The following ESYT2 variants were observed in gnomAD, a reference collection of about 807,000 sequenced individuals.
ESYT2 encodes extended synaptotagmin-2.
In ESYT2, 54 loss-of-function variants were observed where a neutral mutation model predicts 107.2. The ratio of observed to expected loss-of-function variants is 0.50; its 90% confidence interval spans 0.40 to 0.63. ESYT2 has a LOEUF of 0.63. ESYT2 is among the 30% of genes least tolerant of loss of function. The pLI, the probability that ESYT2 is intolerant of heterozygous loss-of-function variation, is 0.00. For synonymous variants in ESYT2, 491 were observed against 434.1 expected, an observed-to-expected ratio of 1.13 and a Z score of -1.63; for missense variants, 1,020 against 1,094.5, an observed-to-expected ratio of 0.93 and a Z score of 0.96.
intron 1 of ESYT2, among the ~76,000 whole-genome samples, chr7:158,817,055 T>C (rs765289597): frequency 2.0e-5 from 3 of 152,216 alleles, no homozygotes; most frequent in Non-Finnish European, 4.4e-5. Flanking sequence ...TATAACATTT[T>C]ACAAATTGGG....
intron 6 of ESYT2, among the ~76,000 whole-genome samples, chr7:158,782,416 G>A (rs1838918694): frequency 6.7e-6 from 1 of 149,026 alleles, no homozygotes; most frequent in Non-Finnish European, 1.5e-5. Flanking sequence ...GTGAACGAGT[G>A]TGAGAACAAA....
chr7:158,799,150 T>C, intron 1 of ESYT2, 78 bp from the exon 2 acceptor site: 1 of 1,233,984 alleles, frequency 8.1e-7, no homozygotes, highest in Non-Finnish European at 1.2e-6. Context: ...AATTTCATAT[T>C]CTCATCATAC....
chr7:158,781,819 GT>G (rs1231997014), intron 6 of ESYT2, among the ~76,000 whole-genome samples: 2 of 147,010 alleles, frequency 1.4e-5, no homozygotes, highest in Non-Finnish European at 3.0e-5. Context: ...TGAGATGTGA[GT>G]GTAATAACGA....
At chr7:158,798,141 C>T (rs1839525683) in intron 2 of ESYT2, 65 bp from the exon 3 acceptor site, 14 of 1,564,088 alleles carry the variant, frequency 9.0e-6, no homozygotes, top group South Asian at 5.8e-5. Flanking sequence ...CACGAGTGCT[C>T]GTGAGAAACC....
chr7:158,808,677 C>T (rs755334058), intron 1 of ESYT2, among the ~76,000 whole-genome samples: 11 of 152,062 alleles, frequency 7.2e-5, no homozygotes, highest in South Asian at 2.1e-4. Flanking sequence ...GGGCCTGGCA[C>T]AGGGGCTCAC....
intron 13 of ESYT2, 101 bp from the exon 14 acceptor site, chr7:158,752,944 A>G: frequency 1.4e-6 from 1 of 729,946 alleles, no homozygotes; most frequent in Middle Eastern, 2.9e-4. Flanking sequence ...ATAAACAAAC[A>G]AAAATCTTTA....
rs1006561960 is a variant in ESYT2 at position 158,758,394 on chromosome 7, G to A, written c.1419+1092C>T. Among the ~76,000 whole-genome samples, 5 of 152,270 alleles carry A rather than the reference G, an allele frequency of 3.3e-5. No individual in the cohort carries two copies. The East Asian group carries it at 5.8e-4, about 18-fold the overall frequency. On this transcript the variant is annotated intron_variant, in intron 13 of 22. Coordinates refer to ENST00000275418, the MANE Select transcript of ESYT2 (RefSeq NM_001367773.1). ...GAACTATGAAGCGTAGTCTGACCAC[G>A]GCAAGGCAAGACTACAGGGGATCGA...
At chr7:158,798,308 A>T (rs1839531777) in intron 2 of ESYT2, among the ~76,000 whole-genome samples, 1 of 152,332 alleles carries the variant, frequency 6.6e-6, no homozygotes, top group Non-Finnish European at 1.5e-5. Context: ...TAAATATGTC[A>T]GCACATTTAA....
chr7:158,758,184 CAA>C (rs1837832965), intron 13 of ESYT2, among the ~76,000 whole-genome samples: 1 of 152,194 alleles, frequency 6.6e-6, no homozygotes, highest in South Asian at 2.1e-4. Flanking sequence ...TTACATACAA[CAA>C]AGAGTACAAT....
chr7:158,771,106 T>C (rs1375659961), intron 7 of ESYT2, among the ~76,000 whole-genome samples: 1 of 152,246 alleles, frequency 6.6e-6, no homozygotes, highest in Non-Finnish European at 1.5e-5. Flanking sequence ...TTTACGTGTG[T>C]ATGTGTGAAT....
intron 1 of ESYT2, among the ~76,000 whole-genome samples, chr7:158,814,303 A>G (rs1471231665): frequency 3.7e-5 from 1 of 27,044 alleles, no homozygotes; most frequent in Non-Finnish European, 7.1e-5. Flanking sequence ...ATATATATAT[A>G]TATATATATA....
chr7:158,774,935 C>A (rs1838498243), intron 6 of ESYT2, among the ~76,000 whole-genome samples: 1 of 152,044 alleles, frequency 6.6e-6, no homozygotes, highest in Non-Finnish European at 1.5e-5. Context: ...CTTCTAAATA[C>A]AATTAGATGA....
At chr7:158,805,899 T>C (rs1459978535) in intron 1 of ESYT2, among the ~76,000 whole-genome samples, 1 of 152,246 alleles carries the variant, frequency 6.6e-6, no homozygotes, top group African/African-American at 2.4e-5. Context: ...ACCAGAGCTA[T>C]GGCAAATTGT....
At position 158,773,367 on chromosome 7, in the gene ESYT2, C is replaced by T. The variant is rs140480085; in HGVS notation, c.777G>A (p.Thr259=). ...PLLEINWTGL[T]NLLDVPGLNG... ...TCAATCCAGGGACATCCAGAAGATTCGTCAGTCCTGTCCAGTTAATTTCTA... is the reference window on the plus strand; with the variant it reads ...TCAATCCAGGGACATCCAGAAGATTTGTCAGTCCTGTCCAGTTAATTTCTA... The change falls in exon 7 of 23, where the codon ACG becomes ACA. Residue 259 remains threonine, a synonymous_variant. Transcript: ENST00000275418. The T allele has an allele frequency of 3.1e-6, 5 of 1,614,134 alleles. No homozygotes were observed. The highest frequency in any genetic ancestry group is 1.7e-5 in the Admixed American group (1 of 60,016).
intron 13 of ESYT2, among the ~76,000 whole-genome samples, chr7:158,758,880 A>AG (rs1837861129): frequency 6.6e-6 from 1 of 152,110 alleles, no homozygotes; most frequent in Admixed American, 6.6e-5. Context: ...AACATTTTAC[A>AG]TTTTTTCTCT....
intron 1 of ESYT2, among the ~76,000 whole-genome samples, chr7:158,821,438 T>G (rs1288289804): frequency 6.6e-6 from 1 of 152,240 alleles, no homozygotes; most frequent in Non-Finnish European, 1.5e-5. Context: ...ACAGCAAGAA[T>G]AGAAGTATAC....
rs61735910 is a variant in ESYT2 at position 158,759,543 on chromosome 7, G to C, written c.1362C>G (p.Asn454Lys). The C allele has an allele frequency of 3.7e-6, 6 of 1,612,572 alleles. No individual in the cohort carries two copies. Among genetic ancestry groups the C allele is most frequent in the Non-Finnish European group, 5.1e-6 (6 of 1,178,760 alleles). ...TDIKADKDQA[N>K]DGLSSALLIL... ...TCAGCAATGCAGAGGAAAGACCATC[G>C]TTGGCTTGGTCTTTGTCAGCTTTGA... is the stretch of plus-strand genomic sequence containing the variant. Residue 454 changes from asparagine (N) to lysine (K), a missense_variant, in exon 13 of 23, where the codon AAC becomes AAG. By Grantham distance (94) the Asn-to-Lys change is moderately conservative (BLOSUM62 0). Transcript: ENST00000275418.
chr7:158,742,824 T>C (rs1234478686), intron 17 of ESYT2, among the ~76,000 whole-genome samples: 1 of 152,214 alleles, frequency 6.6e-6, no homozygotes, highest in African/African-American at 2.4e-5. Flanking sequence ...AAAGTCAGGT[T>C]TCTAGAAGAA....
intron 1 of ESYT2, among the ~76,000 whole-genome samples, chr7:158,822,390 T>G (rs771191074): frequency 2.0e-5 from 3 of 152,208 alleles, no homozygotes; most frequent in Admixed American, 1.3e-4. Flanking sequence ...TTTTTATATT[T>G]TTGAAGCATG....
Sources: gnomAD v4.1 joint callset for allele counts (sites outside exome capture counted in the v4.1 genomes callset) on GRCh38, gnomAD v4.1.1 for gene constraint, MANE v1.5 for transcripts, NCBI Gene and HGNC (gene_info 2026-07-23, HGNC 2026-07-21) for gene names.